PPA2: variants seen among roughly 807,000 people sequenced by gnomAD.
PPA2 encodes inorganic pyrophosphatase 2, mitochondrial.
PPA2 carries 48 observed loss-of-function variants against 49.5 expected under a neutral mutation model. The observed-to-expected ratio is 0.97, with a 90% confidence interval of 0.77 to 1.23. PPA2 has a LOEUF of 1.23. Among genes scored for constraint, PPA2 ranks in the 50% most tolerant of loss-of-function variants. PPA2 has a pLI of 0.00. For synonymous variants in PPA2, 131 were observed against 139.9 expected, an observed-to-expected ratio of 0.94 and a Z score of 0.45; for missense variants, 429 against 410.1, an observed-to-expected ratio of 1.05 and a Z score of -0.40.
intron 7 of PPA2, among the ~76,000 whole-genome samples, chr4:105,414,255 T>G (rs1006020260): frequency 3.9e-5 from 6 of 152,342 alleles, no homozygotes; most frequent in African/African-American, 4.8e-5. Context: ...TGATAATATC[T>G]AGTAAAATTT....
At chr4:105,441,735 T>TA (rs1320373833) in intron 5 of PPA2, among the ~76,000 whole-genome samples, 3 of 152,126 alleles carry the variant, frequency 2.0e-5, no homozygotes, top group African/African-American at 7.2e-5. Context: ...TATAAAGCTA[T>TA]AAAAATGAAT....
intron 6 of PPA2, among the ~76,000 whole-genome samples, chr4:105,426,976 A>G (rs1325050276): frequency 6.6e-6 from 1 of 152,112 alleles, no homozygotes; most frequent in Non-Finnish European, 1.5e-5. Context: ...CCTCATATAG[A>G]TAGGTGCCCC....
intron 6 of PPA2, among the ~76,000 whole-genome samples, chr4:105,424,765 T>TA (rs909928739): frequency 5.2e-4 from 78 of 150,658 alleles, no homozygotes; most frequent in Non-Finnish European, 8.9e-4. Context: ...TCACTGAGGT[T>TA]AAAAAAAAAT....
Position 105,462,047 on chromosome 4 carries a change from T to A in PPA2, c.158-5302A>T, listed in dbSNP as rs1341818029. On this transcript the variant is annotated intron_variant, in intron 1 of 11. Coordinates refer to ENST00000341695, the MANE Select transcript of PPA2 (RefSeq NM_176869.3). ...GGTATTAAAATTCTCTAAAGGTGGA[T>A]TTAAAGATATGTAGTATCTATCCTG... Among the ~76,000 whole-genome samples the A allele has an allele frequency of 3.3e-5, 5 of 152,234 alleles. No homozygotes were observed. In the East Asian group the frequency reaches 9.6e-4, roughly 29 times the overall value.
At chr4:105,430,499 A>T (rs1723745353) in intron 6 of PPA2, among the ~76,000 whole-genome samples, 1 of 152,238 alleles carries the variant, frequency 6.6e-6, no homozygotes, top group Admixed American at 6.5e-5. Flanking sequence ...TAGACACCCC[A>T]GGGCCGAACA....
chr4:105,382,164 T>C (rs1021337724), intron 10 of PPA2, among the ~76,000 whole-genome samples: 6 of 152,064 alleles, frequency 3.9e-5, no homozygotes, highest in Non-Finnish European at 8.8e-5. Context: ...AATTTATTTA[T>C]AAGTACTTTT....
chr4:105,394,323 G>A (rs60669708), intron 9 of PPA2, among the ~76,000 whole-genome samples: 1,544 of 135,052 alleles, frequency 0.011, 28 homozygotes, highest in African/African-American at 0.036. Flanking sequence ...GCAGTGGGCC[G>A]AGATTGCACC....
chr4:105,391,837 T>C (rs951073832), intron 9 of PPA2, among the ~76,000 whole-genome samples: 1 of 152,072 alleles, frequency 6.6e-6, no homozygotes, highest in Non-Finnish European at 1.5e-5. Flanking sequence ...ATTCTGGCAG[T>C]ATTGTATAGA....
At chr4:105,403,880 C>T (rs1722335829) in intron 7 of PPA2, among the ~76,000 whole-genome samples, 1 of 151,386 alleles carries the variant, frequency 6.6e-6, no homozygotes, top group African/African-American at 2.4e-5. Flanking sequence ...TTTCTAAAAT[C>T]TAATTGGAAA....
chr4:105,399,742 G>A (rs1359940288), intron 7 of PPA2: 1 of 152,276 alleles, frequency 6.6e-6, no homozygotes, highest in African/African-American at 2.4e-5. Flanking sequence ...GAGACACCTA[G>A]GAAAAGCCAG....
intron 1 of PPA2, among the ~76,000 whole-genome samples, chr4:105,461,856 G>A (rs1227283110): frequency 2.0e-5 from 3 of 152,170 alleles, no homozygotes; most frequent in East Asian, 1.9e-4. Flanking sequence ...GACAAGACAC[G>A]TTACATCACT....
intron 4 of PPA2, 151 bp from the exon 5 acceptor site, chr4:105,446,653 C>T: frequency 1.1e-6 from 1 of 944,688 alleles, no homozygotes; most frequent in Non-Finnish European, 1.5e-6. Context: ...ATTAAGCCAG[C>T]TCTTATTACT....
At chr4:105,388,379 C>T (rs1733765611) in intron 9 of PPA2, among the ~76,000 whole-genome samples, 1 of 151,514 alleles carries the variant, frequency 6.6e-6, no homozygotes, top group South Asian at 2.1e-4. Flanking sequence ...AATATTTAAG[C>T]CAGCACGGTA....
At chr4:105,389,198 C>A (rs1246355321) in intron 9 of PPA2, among the ~76,000 whole-genome samples, 1 of 151,768 alleles carries the variant, frequency 6.6e-6, no homozygotes, top group African/African-American at 2.4e-5. Context: ...TCTGAACTGG[C>A]CTTCATGTAA....
At chr4:105,435,322 T>C (rs1183087267) in intron 6 of PPA2, among the ~76,000 whole-genome samples, 2 of 152,206 alleles carry the variant, frequency 1.3e-5, no homozygotes, top group African/African-American at 4.8e-5. Context: ...CTTCTCTGGC[T>C]ATAAGATGCA....
chr4:105,460,917 T>C (rs1378631098), intron 1 of PPA2, among the ~76,000 whole-genome samples: 1 of 151,162 alleles, frequency 6.6e-6, no homozygotes, highest in Non-Finnish European at 1.5e-5. Flanking sequence ...AATGAGTGAA[T>C]GGTCTGTATT....
chr4:105,437,675 G>A (rs537628647), intron 6 of PPA2, among the ~76,000 whole-genome samples: 4 of 152,150 alleles, frequency 2.6e-5, no homozygotes, highest in Non-Finnish European at 5.9e-5. Flanking sequence ...CTCTACCGTC[G>A]TAGTGTAAAA....
In PPA2 at chr4:105,438,052, T is replaced by TAA. The variant is rs764567038; in HGVS notation, c.442-18_442-17dup. ...CTTCCCAAGTCTAAAATTTTTTTTT[T>TAA]AAAAAAAAGCAGAAATGTAAGTTAA... is the stretch of plus-strand genomic sequence containing the variant. On this transcript the variant is annotated splice_polypyrimidine_tract_variant and intron_variant, in intron 5 of 11. Transcript: ENST00000341695. The TAA allele has an allele frequency of 6.7e-7, 1 of 1,499,460 alleles. No individual in the cohort carries two copies. The highest frequency in any genetic ancestry group is 9.1e-7 in the Non-Finnish European group (1 of 1,101,918). The allele number at this position is 1,499,460 out of a possible 1,614,324, so 92.9% of individuals were successfully genotyped here.
intron 1 of PPA2, among the ~76,000 whole-genome samples, chr4:105,464,471 T>C (rs1188471466): frequency 6.6e-6 from 1 of 152,138 alleles, no homozygotes; most frequent in Non-Finnish European, 1.5e-5. Context: ...TTGAAATGAG[T>C]TAAGACTTTG....
Sources: gnomAD v4.1 joint callset for allele counts (sites outside exome capture counted in the v4.1 genomes callset) on GRCh38, gnomAD v4.1.1 for gene constraint, MANE v1.5 for transcripts, NCBI Gene and HGNC (gene_info 2026-07-23, HGNC 2026-07-21) for gene names.